The following KIRREL3 variants were observed in gnomAD, a reference collection of about 807,000 sequenced individuals.
KIRREL3 encodes kin of IRRE-like protein 3.
Under a neutral mutation model 89.7 loss-of-function variants are expected in KIRREL3, and 36 were observed. That is an observed-to-expected ratio of 0.40 (90% confidence interval 0.31 to 0.53). The LOEUF (loss-of-function observed/expected upper bound fraction) is 0.53, where lower values mean the gene tolerates loss of function less well. KIRREL3 is among the 20% of genes least tolerant of loss of function. KIRREL3 has a pLI of 0.49. For missense variants in KIRREL3, 864 were observed against 1,056.6 expected, an observed-to-expected ratio of 0.82 and a Z score of 2.53; for synonymous variants, 445 against 441.4, an observed-to-expected ratio of 1.01 and a Z score of -0.10.
Position 126,906,148 on chromosome 11 carries a change from C to G in KIRREL3, c.55+94307G>C, listed in dbSNP as rs1330314002. 6.6e-6 allele frequency among the ~76,000 whole-genome samples: 1 copy of G among 152,184 alleles called. No individual in the cohort carries two copies. The highest frequency in any genetic ancestry group is 1.5e-5 in the Non-Finnish European group (1 of 68,040). ...CTGCCCCTCTCTGAATTCCCTCACT[C>G]AGAGATAGGCTCTCTTTTCTCTCTG... is the stretch of plus-strand genomic sequence containing the variant. On this transcript the variant is annotated intron_variant, in intron 1 of 16. Transcript: ENST00000525144. This position sits in a 1 kb window ranked among gnomAD's most constrained non-coding sequence, Gnocchi z 4.1.
intron 1 of KIRREL3, among the ~76,000 whole-genome samples, chr11:126,866,760 G>A (rs1452157037): frequency 2.0e-5 from 3 of 152,124 alleles, no homozygotes; most frequent in Non-Finnish European, 2.9e-5. Flanking sequence ...ACGGCAGGAC[G>A]AGAATGACGC....
At chr11:126,850,422 T>C (rs1307294622) in intron 1 of KIRREL3, among the ~76,000 whole-genome samples, 2 of 152,118 alleles carry the variant, frequency 1.3e-5, no homozygotes, top group African/African-American at 4.8e-5. Flanking sequence ...TGGGCTCCCT[T>C]TGTTGGCAGC....
Position 126,584,499 on chromosome 11 carries a change from A to T in KIRREL3, c.56-21587T>A, listed in dbSNP as rs367840295. Among the ~76,000 whole-genome samples, 5 of 152,186 alleles carry T rather than the reference A, an allele frequency of 3.3e-5. 1 individual carries two copies. Among genetic ancestry groups the T allele is most frequent in the Admixed American group, 1.3e-4 (2 of 15,292 alleles). On this transcript the variant is annotated intron_variant, in intron 1 of 16. Coordinates refer to ENST00000525144, the MANE Select transcript of KIRREL3 (RefSeq NM_032531.4). ...GTAGTCTGAAAACTCATTTTTGTCT[A>T]TGCTCCTCAGTTCAGCCCAGGCATG...
chr11:126,603,126 G>T (rs1378895102), intron 1 of KIRREL3, among the ~76,000 whole-genome samples: 1 of 152,202 alleles, frequency 6.6e-6, no homozygotes, highest in Non-Finnish European at 1.5e-5. Context: ...GTGTTCTGTG[G>T]ACTGTTATTT....
At chr11:126,631,314 G>A (rs1490791601) in intron 1 of KIRREL3, among the ~76,000 whole-genome samples, 2 of 152,214 alleles carry the variant, frequency 1.3e-5, no homozygotes, top group Non-Finnish European at 2.9e-5. Flanking sequence ...GCGGCTTGAT[G>A]AGGGCCACAC....
rs142138950 is a variant in KIRREL3 at position 126,750,613 on chromosome 11, G to A, written c.56-187701C>T. Among the ~76,000 whole-genome samples, 77 of 152,330 alleles carry A rather than the reference G, an allele frequency of 5.1e-4. 1 individual carries two copies. Among genetic ancestry groups the A allele is most frequent in the African/African-American group, 1.7e-3 (70 of 41,568 alleles). On this transcript the variant is annotated intron_variant, in intron 1 of 16. Transcript: ENST00000525144. The surrounding 1 kb of genome is among the most constrained non-coding windows in gnomAD (Gnocchi z 4.2). ...TTCTACAGAACTGTTTAGTGGGAAA[G>A]AATCAACCTGTGTTGCCAATCATTC...
At chr11:126,716,896 C>T (rs1180360823) in intron 1 of KIRREL3, among the ~76,000 whole-genome samples, 1 of 152,018 alleles carries the variant, frequency 6.6e-6, no homozygotes, top group African/African-American at 2.4e-5. Flanking sequence ...TGGCTGCTGA[C>T]TCATTTGCCC....
chr11:126,741,707 T>C (rs988162063), intron 1 of KIRREL3, among the ~76,000 whole-genome samples: 8 of 152,220 alleles, frequency 5.3e-5, no homozygotes, highest in African/African-American at 1.9e-4. Flanking sequence ...GTGGAGAGGA[T>C]GTGAAAAATT....
chr11:126,779,593 A>T (rs945838213), intron 1 of KIRREL3, among the ~76,000 whole-genome samples: 1 of 152,148 alleles, frequency 6.6e-6, no homozygotes, highest in African/African-American at 2.4e-5. Context: ...TAGGCTGTTT[A>T]GAATCAGGAC....
chr11:126,771,270 C>G lies in KIRREL3; in HGVS notation c.56-208358G>C, dbSNP rs574274196. Among the ~76,000 whole-genome samples the G allele has an allele frequency of 6.6e-6, 1 of 150,630 alleles. No individual in the cohort carries two copies. Among genetic ancestry groups the G allele is most frequent in the South Asian group, 2.1e-4 (1 of 4,758 alleles). On this transcript the variant is annotated intron_variant, in intron 1 of 16. Transcript: ENST00000525144. The surrounding 1 kb of genome is among the most constrained non-coding windows in gnomAD (Gnocchi z 4.4). The stretch of plus-strand genomic sequence containing the variant: ...TTCCCTTACTGTTTTTTTTTTTAAA[C>G]AGATGAGGAAACCGAGGCTTAGAGT...
At chr11:126,895,171 G>T (rs1946098634) in intron 1 of KIRREL3, among the ~76,000 whole-genome samples, 2 of 152,100 alleles carry the variant, frequency 1.3e-5, no homozygotes, top group Non-Finnish European at 2.9e-5. Context: ...TCTTGTGAAA[G>T]CAAGAAGAAG....
At position 126,501,455 on chromosome 11, in the gene KIRREL3, G is replaced by A. The variant is rs986005142; in HGVS notation, c.433+19860C>T. Among the ~76,000 whole-genome samples, 4 of 152,168 alleles carry A rather than the reference G, an allele frequency of 2.6e-5. No homozygotes were observed. Among genetic ancestry groups the A allele is most frequent in the Non-Finnish European group, 5.9e-5 (4 of 68,024 alleles). ...GGTGCCCAGGTGGGGAAGGCAGAGC[G>A]CAGGTCGAGCAGATTCTACCGCAGC... On this transcript the variant is annotated intron_variant, in intron 4 of 16. Transcript: ENST00000525144. The surrounding 1 kb of genome is among the most constrained non-coding windows in gnomAD (Gnocchi z 5.8).
In KIRREL3 at chr11:126,579,644, G is replaced by A. The variant is rs1029129855; in HGVS notation, c.56-16732C>T. Among the ~76,000 whole-genome samples the A allele has an allele frequency of 4.6e-5, 7 of 152,004 alleles. No homozygotes were observed. Among genetic ancestry groups the A allele is most frequent in the African/African-American group, 1.5e-4 (6 of 41,374 alleles). On this transcript the variant is annotated intron_variant, in intron 1 of 16. Coordinates refer to ENST00000525144, the MANE Select transcript of KIRREL3 (RefSeq NM_032531.4). The surrounding 1 kb of genome is among the most constrained non-coding windows in gnomAD (Gnocchi z 5.3). Reference sequence around the variant, plus strand: ...ATGCACCACCTGTGGCCCTAGAGTGGGGAGCATTGAGGTTGGATGGCATTT... The same window carrying A: ...ATGCACCACCTGTGGCCCTAGAGTGAGGAGCATTGAGGTTGGATGGCATTT...
chr11:126,954,101 T>G lies in KIRREL3; in HGVS notation c.55+46354A>C, dbSNP rs2511511. On this transcript the variant is annotated intron_variant, in intron 1 of 16. Transcript: ENST00000525144. This position sits in a 1 kb window ranked among gnomAD's most constrained non-coding sequence, Gnocchi z 4.1. ...CCCAGGGTCGGTCTGTGAGCGCCTC[T>G]AATACCCTATGTGGTTTCTTGAGAT... 1.6e-3 allele frequency among the ~76,000 whole-genome samples: 251 copies of G among 152,150 alleles called. No homozygotes were observed. Among genetic ancestry groups the G allele is most frequent in the South Asian group, 3.8e-3 (18 of 4,788 alleles).
At chr11:126,864,158 C>T (rs895198956) in intron 1 of KIRREL3, among the ~76,000 whole-genome samples, 1 of 152,200 alleles carries the variant, frequency 6.6e-6, no homozygotes, top group African/African-American at 2.4e-5. Context: ...CCTTCCTTAT[C>T]TATTTTTCAT....
chr11:126,949,279 A>G (rs1020610293), intron 1 of KIRREL3, among the ~76,000 whole-genome samples: 26 of 152,204 alleles, frequency 1.7e-4, no homozygotes, highest in African/African-American at 6.3e-4. Context: ...TGTGGTTACC[A>G]TGGCCTAGGA....
intron 2 of KIRREL3, among the ~76,000 whole-genome samples, chr11:126,539,120 C>G (rs1177419145): frequency 6.6e-6 from 1 of 152,224 alleles, no homozygotes; most frequent in Non-Finnish European, 1.5e-5. Context: ...CTTAGTCCCT[C>G]TGAGCCTCAG....
rs148365882 is a variant in KIRREL3 at position 126,527,646 on chromosome 11, A to G, written c.134-959T>C. Among the ~76,000 whole-genome samples the G allele has an allele frequency of 2.9e-3, 448 of 152,300 alleles. 2 individuals are homozygous for G. The highest frequency in any genetic ancestry group is 9.8e-3 in the African/African-American group (408 of 41,558). On this transcript the variant is annotated intron_variant, in intron 2 of 16. Coordinates refer to ENST00000525144, the MANE Select transcript of KIRREL3 (RefSeq NM_032531.4). This position sits in a 1 kb window ranked among gnomAD's most constrained non-coding sequence, Gnocchi z 4.2. ...TACGGCGCATGCCCTGACTCTAGTT[A>G]TCACCGTGGCAACACTCGAATGGGG... is the stretch of plus-strand genomic sequence containing the variant.
chr11:126,743,153 G>GCAAA (rs371172008), intron 1 of KIRREL3, among the ~76,000 whole-genome samples: 22 of 152,240 alleles, frequency 1.4e-4, no homozygotes, highest in South Asian at 4.1e-4. Context: ...AGAGTAGTTG[G>GCAAA]CAAACAAACA....
Sources: allele counts gnomAD v4.1 joint callset (sites outside exome capture counted in the v4.1 genomes callset), GRCh38; gene constraint gnomAD v4.1.1; non-coding constraint Gnocchi (gnomAD v3.1); transcripts MANE v1.5; gene names NCBI Gene and HGNC (gene_info 2026-07-23, HGNC 2026-07-21).